The following FAM76A variants were observed in gnomAD, a reference collection of about 807,000 sequenced individuals.
The protein encoded by FAM76A is family with sequence similarity 76 member A, also known as protein FAM76A.
A neutral mutation model predicts 46.2 loss-of-function variants in FAM76A; 32 were observed. The ratio of observed to expected loss-of-function variants is 0.69; its 90% CI spans 0.52 to 0.93. The LOEUF is 0.93. Among genes scored for constraint, FAM76A ranks in the 40% least tolerant of loss-of-function variants. FAM76A has a pLI of 0.00. For synonymous variants in FAM76A, 137 were observed against 127.0 expected (o/e 1.08, Z -0.53); for missense variants, 274 against 361.5 (o/e 0.76, Z 1.96).
chr1:27,739,244 T>C (rs2148573149), intron 4 of FAM76A: 2 of 506,598 alleles, frequency 3.9e-6, no homozygotes, highest in Admixed American at 4.3e-5. Context: ...GGCTGAAGCA[T>C]GTTAGTGAAG....
chr1:27,738,911 A>G (rs1054158734), intron 4 of FAM76A, among the ~76,000 whole-genome samples: 4 of 152,212 alleles, frequency 2.6e-5, no homozygotes, highest in Non-Finnish European at 2.9e-5. Context: ...CAAAAATTCC[A>G]GGAAGAAGGA....
At chr1:27,755,381 TGTG>T in intron 7 of FAM76A, 51 bp downstream of exon 7, 1 of 1,603,684 alleles carries the variant, frequency 6.2e-7, no homozygotes, top group Non-Finnish European at 8.5e-7. Context: ...GGGTGAGATA[TGTG>T]GTATGGGACA....
chr1:27,758,456 A>G (rs1196388553), intron 7 of FAM76A, among the ~76,000 whole-genome samples: 2 of 152,202 alleles, frequency 1.3e-5, no homozygotes, highest in African/African-American at 4.8e-5. Context: ...CAGGGACAAG[A>G]TGAACACTTG....
At chr1:27,726,482 C>G (rs1006475174) in intron 1 of FAM76A, among the ~76,000 whole-genome samples, 4 of 152,200 alleles carry the variant, frequency 2.6e-5, no homozygotes, top group Admixed American at 2.6e-4. Flanking sequence ...CTGCCTCCCC[C>G]GCCGCCGCGG....
chr1:27,727,617 A>G, intron 2 of FAM76A, 81 bp downstream of exon 2: 1 of 1,014,398 alleles, frequency 9.9e-7, no homozygotes, highest in Non-Finnish European at 1.5e-6. Context: ...TCATGTACAG[A>G]TGCTATAATC....
At chr1:27,748,473 T>TTC (rs1244023889) in intron 5 of FAM76A, among the ~76,000 whole-genome samples, 1 of 146,444 alleles carries the variant, frequency 6.8e-6, no homozygotes, top group African/African-American at 2.5e-5. Context: ...ATTGAAGTTT[T>TTC]TTTTTTTTTT....
At chr1:27,743,185 C>G (rs751869795) in intron 4 of FAM76A, among the ~76,000 whole-genome samples, 13 of 152,174 alleles carry the variant, frequency 8.5e-5, no homozygotes, top group South Asian at 2.1e-4. Context: ...GGGTCTCGCT[C>G]TGTCACCAAG....
At chr1:27,745,303 G>A (rs762254052) in intron 5 of FAM76A, among the ~76,000 whole-genome samples, 5 of 152,014 alleles carry the variant, frequency 3.3e-5, no homozygotes, top group South Asian at 2.1e-4. Context: ...GGTTCTCTGC[G>A]GGGATCTTGG....
At chr1:27,745,095 C>T (rs999925231) in intron 5 of FAM76A, among the ~76,000 whole-genome samples, 1 of 152,160 alleles carries the variant, frequency 6.6e-6, no homozygotes, top group Non-Finnish European at 1.5e-5. Flanking sequence ...GATTCTCTCT[C>T]CAGAAAATTG....
intron 4 of FAM76A, 46 bp from the exon 5 acceptor site, chr1:27,744,608 C>T (rs2088209845): frequency 6.2e-7 from 1 of 1,602,846 alleles, no homozygotes; most frequent in Admixed American, 1.7e-5. Flanking sequence ...TTTGCAGCCA[C>T]TGCGCTAAAT....
Position 27,726,039 on chromosome 1 carries a change from C to T in FAM76A, c.-42C>T. 3 of 1,250,562 alleles carry T rather than the reference C, an allele frequency of 2.4e-6. No homozygotes were observed. Among genetic ancestry groups the T allele is most frequent in the Non-Finnish European group, 3.0e-6 (3 of 994,906 alleles). The allele number at this position is 1,250,562 out of a possible 1,614,324, so 77.5% of individuals were successfully genotyped here. On this transcript the variant is annotated 5_prime_UTR_variant, in exon 1 of 9. Transcript: ENST00000373954. ...TGCCTCAGACTGTCAGATAAATCGG[C>T]GGGCCGGGCCGGCGGGTCGGTGAGC...
intron 2 of FAM76A, among the ~76,000 whole-genome samples, chr1:27,729,908 T>C (rs2087926359): frequency 6.6e-6 from 1 of 152,140 alleles, no homozygotes; most frequent in Non-Finnish European, 1.5e-5. Context: ...TCATGCCCCA[T>C]CCTAGACAAT....
intron 4 of FAM76A, among the ~76,000 whole-genome samples, chr1:27,737,865 CAACAAAAAAAAAAAAA>C (rs2088077233): frequency 2.9e-5 from 1 of 34,244 alleles, no homozygotes; most frequent in South Asian, 7.2e-4. Context: ...ACAACAACAA[CAACAAAAAAAAAAAAA>C]AAAAAAAAAA....
intron 6 of FAM76A, among the ~76,000 whole-genome samples, chr1:27,754,097 T>A (rs1407319237): frequency 6.8e-6 from 1 of 147,680 alleles, no homozygotes; most frequent in Non-Finnish European, 1.5e-5. Context: ...AAACTATCCC[T>A]TCTTTTTTTT....
intron 6 of FAM76A, 46 bp from the exon 7 acceptor site, chr1:27,755,149 T>G: frequency 6.2e-7 from 1 of 1,607,940 alleles, no homozygotes; most frequent in Non-Finnish European, 8.5e-7. Flanking sequence ...TAGAGAAAAG[T>G]TTATCCATCC....
Position 27,760,599 on chromosome 1 carries a change from C to G in FAM76A, c.*18C>G. 1 of 1,585,014 alleles carries G rather than the reference C, an allele frequency of 6.3e-7. No homozygotes were observed. Among genetic ancestry groups the G allele is most frequent in the Middle Eastern group, 1.7e-4 (1 of 5,928 alleles). The stretch of plus-strand genomic sequence containing the variant: ...CTCCATGACAGACCTCAAGGAGGCT[C>G]CCTAGCAACAGCAAATGGAGTTGTC... On this transcript the variant is annotated 3_prime_UTR_variant, in exon 9 of 9. Coordinates refer to ENST00000373954, the MANE Select transcript of FAM76A (RefSeq NM_152660.3).
chr1:27,757,293 A>T (rs1455962788), intron 7 of FAM76A, among the ~76,000 whole-genome samples: 3 of 139,412 alleles, frequency 2.2e-5, no homozygotes. Context: ...CCTGGGTTTA[A>T]GTGATTCTTG....
At chr1:27,743,246 G>T (rs998972891) in intron 4 of FAM76A, among the ~76,000 whole-genome samples, 2 of 151,984 alleles carry the variant, frequency 1.3e-5, no homozygotes, top group African/African-American at 2.4e-5. Flanking sequence ...GACCTCCCAG[G>T]CTCAAGTGAT....
Position 27,759,575 on chromosome 1 carries a change from C to T in FAM76A, c.785C>T (p.Ala262Val). Residue 262 changes from alanine (A) to valine (V), a missense_variant, in exon 8 of 9, where the codon GCC becomes GTC. Coordinates refer to ENST00000373954, the MANE Select transcript of FAM76A (RefSeq NM_152660.3). ...CAGTACCAGGAATCGCAGATGAGAG[C>T]CAAAATGAACCAGATGGAGAAAACC... Reference protein sequence around the residue: ...DFQYQESQMRAKMNQMEKTHK... With the variant: ...DFQYQESQMRVKMNQMEKTHK... 6.2e-7 allele frequency: 1 copy of T among 1,613,576 alleles called. No individual in the cohort carries two copies. Among genetic ancestry groups the T allele is most frequent in the Non-Finnish European group, 8.5e-7 (1 of 1,179,866 alleles).
Sources: gnomAD v4.1 joint callset for allele counts (sites outside exome capture counted in the v4.1 genomes callset) on GRCh38, gnomAD v4.1.1 for gene constraint, MANE v1.5 for transcripts, NCBI Gene and HGNC (gene_info 2026-07-23, HGNC 2026-07-21) for gene names.